The following MDGA2 variants were observed in gnomAD, a reference collection of about 807,000 sequenced individuals.
MDGA2 encodes MAM domain containing glycosylphosphatidylinositol anchor 2.
A neutral mutation model predicts 117.8 loss-of-function variants in MDGA2; 40 were observed. The ratio of observed to expected loss-of-function variants is 0.34; its 90% CI spans 0.26 to 0.44. The LOEUF is 0.44. Among genes scored for constraint, MDGA2 ranks in the 20% least tolerant of loss-of-function variants. The pLI is 1.00. For synonymous variants in MDGA2, 452 were observed against 439.0 expected (o/e 1.03, Z -0.37); for missense variants, 1,123 against 1,250.6 (o/e 0.90, Z 1.54).
At chr14:46,877,556 C>A in intron 11 of MDGA2, 47 bp from the exon 12 acceptor site, 4 of 1,380,820 alleles carry the variant, frequency 2.9e-6, no homozygotes, top group Non-Finnish European at 4.0e-6. Flanking sequence ...ACAATGTTAG[C>A]ATGGCTTGAA....
chr14:47,587,477 T>C (rs1467845997), intron 1 of MDGA2, among the ~76,000 whole-genome samples: 3 of 151,910 alleles, frequency 2.0e-5, no homozygotes, highest in South Asian at 4.1e-4. Context: ...TATCTGACAC[T>C]GTGTCTCCCA....
At chr14:47,380,890 C>T (rs545138380) in intron 1 of MDGA2, among the ~76,000 whole-genome samples, 3 of 152,234 alleles carry the variant, frequency 2.0e-5, no homozygotes, top group African/African-American at 7.2e-5. Flanking sequence ...ATACCAAAGC[C>T]TGGCAGAGAC....
chr14:47,502,874 G>A (rs1370467638), intron 1 of MDGA2, among the ~76,000 whole-genome samples: 1 of 151,984 alleles, frequency 6.6e-6, no homozygotes, highest in Non-Finnish European at 1.5e-5. Flanking sequence ...TAGAGAAGGG[G>A]TCTGGCTTTG....
At chr14:47,026,104 G>A (rs968719943) in intron 8 of MDGA2, among the ~76,000 whole-genome samples, 1 of 152,152 alleles carries the variant, frequency 6.6e-6, no homozygotes, top group African/African-American at 2.4e-5. Flanking sequence ...ACCAAAAAAT[G>A]TGTGGCTAGT....
chr14:47,188,816 A>T (rs1036304035), intron 3 of MDGA2, among the ~76,000 whole-genome samples: 6 of 152,180 alleles, frequency 3.9e-5, no homozygotes, highest in African/African-American at 1.4e-4. Context: ...AGATCAAAAA[A>T]ATCCTCAAAT....
At chr14:47,006,653 A>T (rs2138514259) in intron 8 of MDGA2, among the ~76,000 whole-genome samples, 1 of 151,626 alleles carries the variant, frequency 6.6e-6, no homozygotes, top group Non-Finnish European at 1.5e-5. Flanking sequence ...TCTATTATTT[A>T]GTTCTTTCTC....
intron 6 of MDGA2, among the ~76,000 whole-genome samples, chr14:47,084,521 T>C (rs896305458): frequency 1.3e-4 from 20 of 150,294 alleles, no homozygotes; most frequent in African/African-American, 4.4e-4. Flanking sequence ...AAAACTGACA[T>C]GCTGAGTAAT....
At chr14:47,171,648 T>C (rs1025063861) in intron 3 of MDGA2, among the ~76,000 whole-genome samples, 1 of 152,086 alleles carries the variant, frequency 6.6e-6, no homozygotes, top group African/African-American at 2.4e-5. Flanking sequence ...AAATTTTATG[T>C]CAATTTGGAG....
chr14:47,419,776 C>T (rs7342559), intron 1 of MDGA2, among the ~76,000 whole-genome samples: 97,971 of 151,744 alleles, frequency 0.65, 31,763 homozygotes, highest in Middle Eastern at 0.74. Context: ...AATTGTGGAA[C>T]TGGTTTGATA....
At chr14:47,242,642 T>C (rs1887088704) in intron 2 of MDGA2, among the ~76,000 whole-genome samples, 3 of 151,880 alleles carry the variant, frequency 2.0e-5, no homozygotes, top group Non-Finnish European at 1.5e-5. Context: ...CCACCAGCGC[T>C]GCGCTCGATT....
chr14:46,911,023 T>A (rs911197061), intron 10 of MDGA2, among the ~76,000 whole-genome samples: 1 of 151,914 alleles, frequency 6.6e-6, no homozygotes, highest in Non-Finnish European at 1.5e-5. Context: ...AGGAAGAAAA[T>A]CAGGAAAAAT....
intron 3 of MDGA2, among the ~76,000 whole-genome samples, chr14:47,207,543 T>C (rs1011464289): frequency 2.6e-5 from 4 of 151,926 alleles, no homozygotes; most frequent in African/African-American, 7.2e-5. Context: ...AAAATGGAAT[T>C]TGTTCCCCTT....
intron 8 of MDGA2, among the ~76,000 whole-genome samples, chr14:46,989,450 G>A (rs1244524662): frequency 6.6e-6 from 1 of 152,004 alleles, no homozygotes; most frequent in Non-Finnish European, 1.5e-5. Flanking sequence ...TTTTCATCTT[G>A]GCAGGTGACA....
At chr14:47,601,567 A>G (rs1313135277) in intron 1 of MDGA2, among the ~76,000 whole-genome samples, 1 of 152,146 alleles carries the variant, frequency 6.6e-6, no homozygotes, top group African/African-American at 2.4e-5. Flanking sequence ...TTCCTTTTCC[A>G]TTATTCAACA....
intron 2 of MDGA2, among the ~76,000 whole-genome samples, chr14:47,293,879 A>C (rs118122762): frequency 1.2e-3 from 181 of 152,274 alleles, no homozygotes; most frequent in Non-Finnish European, 2.0e-3. Flanking sequence ...GAGTATGTTA[A>C]AGTGTTGACC....
intron 2 of MDGA2, among the ~76,000 whole-genome samples, chr14:47,292,682 T>C (rs1478268709): frequency 6.6e-6 from 1 of 152,180 alleles, no homozygotes; most frequent in East Asian, 1.9e-4. Flanking sequence ...TTAAGAAAAC[T>C]TGGTTTCCCT....
intron 1 of MDGA2, among the ~76,000 whole-genome samples, chr14:47,573,231 G>A (rs1348940812): frequency 6.6e-6 from 1 of 152,186 alleles, no homozygotes; most frequent in African/African-American, 2.4e-5. Flanking sequence ...GATGAGAGTT[G>A]ATTAAGATAA....
intron 15 of MDGA2, 149 bp from the exon 16 acceptor site, chr14:46,846,020 CAT>C: frequency 1.6e-6 from 1 of 630,346 alleles, no homozygotes. Context: ...TTGCAGAAAA[CAT>C]AAACTTTCAT....
chr14:46,991,961 GTCATGGAC>G (rs1170790852), intron 8 of MDGA2, among the ~76,000 whole-genome samples: 2 of 152,090 alleles, frequency 1.3e-5, no homozygotes, highest in Non-Finnish European at 2.9e-5. Flanking sequence ...TTAGCATTTT[GTCATGGAC>G]TCAGAAAATT....
Sources: gnomAD v4.1 joint callset for allele counts (sites outside exome capture counted in the v4.1 genomes callset) on GRCh38, gnomAD v4.1.1 for gene constraint, MANE v1.5 for transcripts, NCBI Gene and HGNC (gene_info 2026-07-23, HGNC 2026-07-21) for gene names.